CADM2: variants seen among roughly 807,000 people sequenced by gnomAD.
The protein encoded by CADM2 is cell adhesion molecule 2, also known as immunoglobulin superfamily member 4D.
CADM2 carries 12 observed loss-of-function variants against 49.8 expected under a neutral mutation model. The observed-to-expected ratio is 0.24, with a 90% CI of 0.15 to 0.39. CADM2 has a LOEUF of 0.39. CADM2 is among the 10% of genes least tolerant of loss of function. The pLI, the probability that CADM2 is intolerant of heterozygous loss-of-function variation, is 1.00. For missense variants in CADM2, 378 were observed against 492.3 expected (o/e 0.77, Z 2.20); for synonymous variants, 214 against 175.4 (o/e 1.22, Z -1.74).
chr3:85,737,854 G>A (rs2068209070), intron 2 of CADM2, among the ~76,000 whole-genome samples: 1 of 152,112 alleles, frequency 6.6e-6, no homozygotes, highest in Non-Finnish European at 1.5e-5. Flanking sequence ...CACTGTGCCA[G>A]GCCTAATTTA....
At chr3:84,979,974 T>C (rs967336060) in intron 1 of CADM2, among the ~76,000 whole-genome samples, 8 of 152,166 alleles carry the variant, frequency 5.3e-5, no homozygotes, top group Admixed American at 4.6e-4. Flanking sequence ...TTTTATTAAA[T>C]AGAATTTGTG....
intron 1 of CADM2, among the ~76,000 whole-genome samples, chr3:85,549,911 C>T (rs1353389377): frequency 1.3e-5 from 2 of 151,846 alleles, no homozygotes; most frequent in East Asian, 1.9e-4. Context: ...GGATTACAGA[C>T]ATGACTCACC....
intron 1 of CADM2, among the ~76,000 whole-genome samples, chr3:85,058,339 G>A (rs1262503123): frequency 1.3e-5 from 2 of 152,156 alleles, no homozygotes; most frequent in Non-Finnish European, 1.5e-5. Context: ...GTAGAAGTAT[G>A]TGTATATATA....
intron 3 of CADM2, among the ~76,000 whole-genome samples, chr3:85,825,562 T>C (rs975897343): frequency 6.6e-6 from 1 of 152,032 alleles, no homozygotes; most frequent in African/African-American, 2.4e-5. Context: ...AGACATAGTG[T>C]AGCCCATATA....
intron 1 of CADM2, among the ~76,000 whole-genome samples, chr3:85,628,640 T>C (rs28478006): frequency 3.8e-5 from 5 of 132,660 alleles, no homozygotes; most frequent in South Asian, 4.7e-4. Context: ...CATATATACA[T>C]ATATACACAC....
intron 8 of CADM2, among the ~76,000 whole-genome samples, chr3:86,047,180 G>A (rs1029176483): frequency 5.9e-5 from 9 of 152,056 alleles, no homozygotes; most frequent in African/African-American, 1.9e-4. Context: ...TTCTTAACAA[G>A]TATAAGATTA....
At chr3:85,648,351 G>A (rs1469537191) in intron 1 of CADM2, among the ~76,000 whole-genome samples, 1 of 151,870 alleles carries the variant, frequency 6.6e-6, no homozygotes, top group Non-Finnish European at 1.5e-5. Flanking sequence ...GCAGCTGAAT[G>A]TTGTAATTAG....
intron 8 of CADM2, among the ~76,000 whole-genome samples, chr3:85,987,334 A>G (rs187589374): frequency 1.0e-3 from 159 of 151,986 alleles, no homozygotes; most frequent in Non-Finnish European, 1.9e-3. Context: ...GCTTCCATCA[A>G]TTTAAACAGA....
intron 1 of CADM2, among the ~76,000 whole-genome samples, chr3:85,444,476 C>G (rs2037356093): frequency 6.6e-6 from 1 of 151,258 alleles, no homozygotes; most frequent in South Asian, 2.1e-4. Context: ...CACCCTTGCC[C>G]CAAGCCTTTC....
chr3:85,528,328 ACACT>A (rs2061217657), intron 1 of CADM2, among the ~76,000 whole-genome samples: 1 of 81,360 alleles, frequency 1.2e-5, no homozygotes, highest in African/African-American at 2.8e-5. Flanking sequence ...ATACTCACGC[ACACT>A]CACATGCACA....
chr3:85,440,129 C>A (rs1408562197), intron 1 of CADM2, among the ~76,000 whole-genome samples: 1 of 152,128 alleles, frequency 6.6e-6, no homozygotes, highest in African/African-American at 2.4e-5. Flanking sequence ...CCTCTAAATT[C>A]ATGAGTGGCT....
chr3:85,961,369 T>C (rs1724798692), intron 7 of CADM2, 100 bp from the exon 8 acceptor site: 2 of 1,036,152 alleles, frequency 1.9e-6, no homozygotes, highest in African/African-American at 3.3e-5. Context: ...TATGGTTGTG[T>C]ACAAAATACA....
chr3:85,182,015 T>C (rs955752994), intron 1 of CADM2, among the ~76,000 whole-genome samples: 1 of 150,778 alleles, frequency 6.6e-6, no homozygotes, highest in Non-Finnish European at 1.5e-5. Flanking sequence ...TTTATACATA[T>C]AAATTATGCA....
intron 5 of CADM2, among the ~76,000 whole-genome samples, chr3:85,898,933 T>TTGTGTG (rs1324542733): frequency 1.7e-4 from 11 of 64,480 alleles, no homozygotes; most frequent in African/African-American, 6.9e-4. Context: ...AATTCATTTA[T>TTGTGTG]TGTGTATATA....
intron 1 of CADM2, among the ~76,000 whole-genome samples, chr3:85,595,338 T>C (rs1477961861): frequency 6.6e-6 from 1 of 152,048 alleles, no homozygotes; most frequent in African/African-American, 2.4e-5. Context: ...AAAATCATTT[T>C]ATGACTTCTG....
chr3:85,851,843 C>T (rs946653273), intron 3 of CADM2, among the ~76,000 whole-genome samples: 3 of 151,964 alleles, frequency 2.0e-5, no homozygotes, highest in African/African-American at 7.2e-5. Context: ...AGATTTTCAT[C>T]TTGAACAACT....
intron 2 of CADM2, among the ~76,000 whole-genome samples, chr3:85,790,724 T>C (rs2071273093): frequency 6.6e-6 from 1 of 152,168 alleles, no homozygotes; most frequent in South Asian, 2.1e-4. Context: ...ACTGTTACAC[T>C]CTGATATCAG....
At chr3:85,568,473 C>CTTTCTCTTTCTT (rs1553743643) in intron 1 of CADM2, among the ~76,000 whole-genome samples, 1 of 27,612 alleles carries the variant, frequency 3.6e-5, no homozygotes, top group African/African-American at 7.7e-5. Context: ...CTCTTTCTCT[C>CTTTCTCTTTCTT]TCTTTCTTTC....
chr3:85,037,542 T>C (rs892278604), intron 1 of CADM2, among the ~76,000 whole-genome samples: 16 of 152,206 alleles, frequency 1.1e-4, no homozygotes, highest in African/African-American at 3.9e-4. Flanking sequence ...CATTTTCAAA[T>C]GATCTCTGCA....
Sources: allele counts gnomAD v4.1 joint callset (sites outside exome capture counted in the v4.1 genomes callset), GRCh38; gene constraint gnomAD v4.1.1; transcripts MANE v1.5; gene names NCBI Gene and HGNC (gene_info 2026-07-23, HGNC 2026-07-21).